The following CCDC178 variants were observed in gnomAD, a reference collection of about 807,000 sequenced individuals.
The protein encoded by CCDC178 is coiled-coil domain containing 178, also known as coiled-coil domain-containing protein 178.
A neutral mutation model predicts 117.4 loss-of-function variants in CCDC178; 126 were observed. The observed-to-expected ratio is 1.07, with a 90% CI of 0.93 to 1.24. CCDC178 has a LOEUF of 1.24. CCDC178 is among the 50% of genes most tolerant of loss of function. The pLI is 0.00. For synonymous variants in CCDC178, 283 were observed against 313.4 expected, an observed-to-expected ratio of 0.90 and a Z score of 1.02; for missense variants, 1,030 against 986.9, an observed-to-expected ratio of 1.04 and a Z score of -0.59.
intron 21 of CCDC178, among the ~76,000 whole-genome samples, chr18:33,064,304 G>C (rs1294184323): frequency 2.0e-5 from 3 of 152,012 alleles, no homozygotes; most frequent in African/African-American, 7.2e-5. Context: ...AAATAAATGA[G>C]ACAAAAATTG....
At chr18:33,408,147 A>T (rs1385692412) in intron 3 of CCDC178, among the ~76,000 whole-genome samples, 1 of 152,048 alleles carries the variant, frequency 6.6e-6, no homozygotes, top group Non-Finnish European at 1.5e-5. Context: ...AGGAAAAAAA[A>T]GTCCAGAAAA....
chr18:33,070,994 C>A (rs2057099099), intron 21 of CCDC178, among the ~76,000 whole-genome samples: 1 of 151,886 alleles, frequency 6.6e-6, no homozygotes, highest in Non-Finnish European at 1.5e-5. Flanking sequence ...ATCTTCAAAT[C>A]AATTAAGGAT....
At position 33,326,874 on chromosome 18, in the gene CCDC178, C is replaced by T. The variant is rs181461588; in HGVS notation, c.880-3241G>A. On this transcript the variant is annotated intron_variant, in intron 10 of 22. Transcript: ENST00000383096. ...TGCACTTAAAGAGGTATAGCAGACT[C>T]CCTTTGCGAAAACTCAATTAGCCCA... Among the ~76,000 whole-genome samples the T allele has an allele frequency of 6.1e-3, 920 of 151,696 alleles. 4 individuals are homozygous for T. The highest frequency in any genetic ancestry group is 0.011 in the Non-Finnish European group (736 of 67,954).
intron 21 of CCDC178, among the ~76,000 whole-genome samples, chr18:33,062,896 A>G (rs2056948114): frequency 7.6e-6 from 1 of 131,138 alleles, no homozygotes; most frequent in South Asian, 2.2e-4. Flanking sequence ...ACCTAGCAGA[A>G]CTCCAGCCCA....
intron 21 of CCDC178, among the ~76,000 whole-genome samples, chr18:33,024,686 C>A (rs1328862879): frequency 6.6e-6 from 1 of 151,836 alleles, no homozygotes; most frequent in Non-Finnish European, 1.5e-5. Context: ...CTCTGTCACC[C>A]AGGCTGCAGT....
At chr18:33,132,954 G>C (rs2058083876) in intron 20 of CCDC178, among the ~76,000 whole-genome samples, 1 of 151,582 alleles carries the variant, frequency 6.6e-6, no homozygotes, top group Non-Finnish European at 1.5e-5. Flanking sequence ...AATTTCCCGA[G>C]GCAAAAGAGA....
intron 12 of CCDC178, among the ~76,000 whole-genome samples, chr18:33,270,425 A>G (rs1224722028): frequency 6.6e-6 from 1 of 151,598 alleles, no homozygotes; most frequent in African/African-American, 2.4e-5. Flanking sequence ...ACTCAAAGAT[A>G]TATACTCGAG....
At chr18:33,000,788 G>T (rs147008208) in intron 21 of CCDC178, among the ~76,000 whole-genome samples, 1 of 152,250 alleles carries the variant, frequency 6.6e-6, no homozygotes, top group Admixed American at 6.5e-5. Context: ...GAGAGATTTT[G>T]TCCACCAGAC....
intron 21 of CCDC178, among the ~76,000 whole-genome samples, chr18:32,993,859 A>G (rs2055446119): frequency 6.6e-6 from 1 of 152,326 alleles, no homozygotes; most frequent in African/African-American, 2.4e-5. Context: ...ATGAGTGTCA[A>G]GAAAGCTGGT....
At chr18:32,967,242 CT>C (rs1012978580) in intron 22 of CCDC178, among the ~76,000 whole-genome samples, 113 of 144,976 alleles carry the variant, frequency 7.8e-4, no homozygotes, top group Middle Eastern at 3.6e-3. Flanking sequence ...ATGTGATGCT[CT>C]TTTTTTTTTT....
At chr18:33,405,834 A>C (rs1479495833) in intron 3 of CCDC178, among the ~76,000 whole-genome samples, 1 of 152,088 alleles carries the variant, frequency 6.6e-6, no homozygotes, top group East Asian at 1.9e-4. Flanking sequence ...TTATGTACTT[A>C]TGCTCTGACA....
chr18:33,303,421 CAT>C (rs754557832), intron 11 of CCDC178, among the ~76,000 whole-genome samples: 11 of 152,204 alleles, frequency 7.2e-5, no homozygotes, highest in South Asian at 4.1e-4. Flanking sequence ...GTTGTGTACA[CAT>C]GTCTTTATAC....
chr18:33,166,743 A>G (rs1051356478), intron 20 of CCDC178, among the ~76,000 whole-genome samples: 2 of 152,204 alleles, frequency 1.3e-5, no homozygotes, highest in Non-Finnish European at 2.9e-5. Context: ...GCTGGCCTGT[A>G]GCTGACTTTT....
At chr18:33,411,353 T>C (rs566901789) in intron 3 of CCDC178, among the ~76,000 whole-genome samples, 2 of 152,298 alleles carry the variant, frequency 1.3e-5, no homozygotes, top group South Asian at 2.1e-4. Context: ...TTCCTTATTG[T>C]CTTCTTTTTT....
intron 21 of CCDC178, among the ~76,000 whole-genome samples, chr18:33,059,410 T>A (rs1299507793): frequency 6.6e-6 from 1 of 152,114 alleles, no homozygotes; most frequent in East Asian, 1.9e-4. Flanking sequence ...CACATTCTCT[T>A]CTATCTGAAA....
intron 9 of CCDC178, among the ~76,000 whole-genome samples, chr18:33,344,834 C>CAA (rs2062867566): frequency 6.7e-6 from 1 of 149,862 alleles, no homozygotes; most frequent in African/African-American, 2.5e-5. Context: ...CACACACACA[C>CAA]ACACACACAC....
chr18:33,229,325 T>C (rs2059344847), intron 15 of CCDC178, among the ~76,000 whole-genome samples: 1 of 152,172 alleles, frequency 6.6e-6, no homozygotes, highest in Non-Finnish European at 1.5e-5. Context: ...AGGAATGACC[T>C]TAAGCAAAGT....
At chr18:33,224,636 G>A (rs2059279034) in intron 17 of CCDC178, 139 bp downstream of exon 17, 1 of 483,922 alleles carries the variant, frequency 2.1e-6, no homozygotes, top group Non-Finnish European at 3.5e-6. Flanking sequence ...TGCAGATCAA[G>A]TTGCGTGGTC....
At chr18:33,206,867 C>T (rs907230739) in intron 20 of CCDC178, among the ~76,000 whole-genome samples, 1 of 152,020 alleles carries the variant, frequency 6.6e-6, no homozygotes, top group African/African-American at 2.4e-5. Context: ...TGCTAGAAGC[C>T]CCCTGATAAA....
Sources: gnomAD v4.1 joint callset for allele counts (sites outside exome capture counted in the v4.1 genomes callset) on GRCh38, gnomAD v4.1.1 for gene constraint, MANE v1.5 for transcripts, NCBI Gene and HGNC (gene_info 2026-07-23, HGNC 2026-07-21) for gene names.